Variants in HCN1 observed in about 807,000 individuals in gnomAD.
HCN1 encodes potassium/sodium hyperpolarization-activated cyclic nucleotide-gated channel 1.
A neutral mutation model predicts 78.9 loss-of-function variants in HCN1; 13 were observed. That is an observed-to-expected ratio of 0.16 (90% CI 0.11 to 0.26). The LOEUF (loss-of-function observed/expected upper bound fraction) is 0.26. Among genes scored for constraint, HCN1 ranks in the 10% least tolerant of loss-of-function variants. The pLI, the probability that HCN1 is intolerant of heterozygous loss-of-function variation, is 1.00. For missense variants in HCN1, 810 were observed against 1,154.3 expected (o/e 0.70, Z 4.32); for synonymous variants, 552 against 455.5 (o/e 1.21, Z -2.70).
intron 3 of HCN1, among the ~76,000 whole-genome samples, chr5:45,398,263 A>C (rs1739722473): frequency 6.6e-6 from 1 of 152,124 alleles, no homozygotes; most frequent in South Asian, 2.1e-4. Context: ...AGGTAATTAC[A>C]GATTTACATG....
intron 4 of HCN1, among the ~76,000 whole-genome samples, chr5:45,393,934 T>C (rs1739635395): frequency 6.6e-6 from 1 of 152,124 alleles, no homozygotes; most frequent in East Asian, 1.9e-4. Context: ...ATCAATTCTA[T>C]ATAGAGATCA....
chr5:45,494,556 T>C (rs1421172958), intron 2 of HCN1, among the ~76,000 whole-genome samples: 2 of 152,022 alleles, frequency 1.3e-5, no homozygotes, highest in Non-Finnish European at 2.9e-5. Flanking sequence ...GGGTTGCCTG[T>C]TCACTCTGAT....
At chr5:45,416,123 T>C (rs1287928545) in intron 3 of HCN1, among the ~76,000 whole-genome samples, 1 of 152,028 alleles carries the variant, frequency 6.6e-6, no homozygotes, top group Non-Finnish European at 1.5e-5. Flanking sequence ...GTATAGCAGA[T>C]ATCATAAACA....
intron 2 of HCN1, among the ~76,000 whole-genome samples, chr5:45,471,847 T>C (rs1185922778): frequency 6.6e-6 from 1 of 151,998 alleles, no homozygotes; most frequent in Non-Finnish European, 1.5e-5. Flanking sequence ...ACTGAGTTAA[T>C]TAATAAATTG....
At position 45,267,130 on chromosome 5, in the gene HCN1, C is replaced by G. The variant is rs1248907862; in HGVS notation, c.1742G>C (p.Arg581Thr). 3 of 1,613,954 alleles carry G rather than the reference C, an allele frequency of 1.9e-6. No individual in the cohort carries two copies. Among genetic ancestry groups the G allele is most frequent in the Admixed American group, 1.7e-5 (1 of 60,010 alleles). The change falls in exon 7 of 8, where the codon AGA becomes ACA. Residue 581 changes from arginine to threonine, a missense_variant. Around this residue, in one of 6 missense-constraint regions of HCN1, gnomAD observed 36 missense variants for 58.5 expected, o/e 0.62. Coordinates refer to ENST00000303230, the MANE Select transcript of HCN1 (RefSeq NM_021072.4). ...GTCAATGGCAACTGTCTCAAAGGCT[C>G]TCCTCATCATTGGATATTCCTCCAG... ...EVLEEYPMMRRAFETVAIDRL... is the reference protein window; with the variant it reads ...EVLEEYPMMRTAFETVAIDRL...
At chr5:45,501,935 T>C (rs1742197979) in intron 2 of HCN1, among the ~76,000 whole-genome samples, 1 of 152,152 alleles carries the variant, frequency 6.6e-6, no homozygotes, top group Admixed American at 6.5e-5. Context: ...GTGGGGTGCA[T>C]GTAATTTAGT....
At chr5:45,637,751 T>G (rs1435517213) in intron 2 of HCN1, among the ~76,000 whole-genome samples, 1 of 152,124 alleles carries the variant, frequency 6.6e-6, no homozygotes, top group Non-Finnish European at 1.5e-5. Context: ...AATGTGGTAT[T>G]TGGCAAACTA....
chr5:45,453,474 C>T (rs976584891), intron 3 of HCN1, among the ~76,000 whole-genome samples: 6 of 152,072 alleles, frequency 3.9e-5, no homozygotes, highest in African/African-American at 1.4e-4. Flanking sequence ...ACATACAAAA[C>T]ACAATGACTT....
intron 2 of HCN1, among the ~76,000 whole-genome samples, chr5:45,464,931 T>C (rs530128573): frequency 6.6e-6 from 1 of 152,268 alleles, no homozygotes; most frequent in African/African-American, 2.4e-5. Context: ...AGCCACAACT[T>C]ATTATTAATA....
intron 2 of HCN1, among the ~76,000 whole-genome samples, chr5:45,638,361 C>A (rs1307581721): frequency 6.6e-6 from 1 of 151,974 alleles, no homozygotes; most frequent in South Asian, 2.1e-4. Context: ...GAAAAACCTG[C>A]AAAACAAGAA....
chr5:45,357,556 A>C (rs1229466681), intron 4 of HCN1, among the ~76,000 whole-genome samples: 2 of 152,066 alleles, frequency 1.3e-5, no homozygotes, highest in Non-Finnish European at 2.9e-5. Context: ...TTTAGTTTAA[A>C]AATATACTAA....
chr5:45,580,029 C>T (rs983935038), intron 2 of HCN1, among the ~76,000 whole-genome samples: 2 of 152,034 alleles, frequency 1.3e-5, no homozygotes, highest in African/African-American at 2.4e-5. Flanking sequence ...ATACTGGAGT[C>T]GCCTATTCAA....
At chr5:45,463,759 T>A (rs1741212631) in intron 2 of HCN1, among the ~76,000 whole-genome samples, 1 of 152,056 alleles carries the variant, frequency 6.6e-6, no homozygotes, top group East Asian at 1.9e-4. Context: ...TGAACTTAGT[T>A]TTTTTGTTGT....
chr5:45,525,530 A>G (rs1362565280), intron 2 of HCN1, among the ~76,000 whole-genome samples: 1 of 151,816 alleles, frequency 6.6e-6, no homozygotes, highest in Non-Finnish European at 1.5e-5. Context: ...TACAAATCCA[A>G]TTGCTTCTTT....
chr5:45,667,827 T>TA (rs927268478), intron 1 of HCN1, among the ~76,000 whole-genome samples: 9 of 152,074 alleles, frequency 5.9e-5, no homozygotes, highest in African/African-American at 1.9e-4. Flanking sequence ...TCCCAGTTGC[T>TA]AAAAAAACAA....
At chr5:45,316,771 C>T (rs1266569494) in intron 5 of HCN1, among the ~76,000 whole-genome samples, 1 of 152,066 alleles carries the variant, frequency 6.6e-6, no homozygotes, top group Non-Finnish European at 1.5e-5. Flanking sequence ...ACACCAATAA[C>T]AGACAAACAG....
chr5:45,443,801 T>C (rs1261851513), intron 3 of HCN1, among the ~76,000 whole-genome samples: 1 of 151,970 alleles, frequency 6.6e-6, no homozygotes, highest in African/African-American at 2.4e-5. Context: ...TAGAAGGCTA[T>C]TTTGTTACAA....
intron 6 of HCN1, among the ~76,000 whole-genome samples, chr5:45,286,521 T>G (rs769674932): frequency 7.9e-5 from 12 of 152,016 alleles, no homozygotes; most frequent in Non-Finnish European, 1.8e-4. Context: ...CAATTAAGAT[T>G]TTAAAGGCTA....
intron 5 of HCN1, among the ~76,000 whole-genome samples, chr5:45,336,701 T>A (rs901879340): frequency 1.2e-4 from 18 of 151,914 alleles, no homozygotes; most frequent in Non-Finnish European, 1.8e-4. Context: ...TAAAAAAAAA[T>A]TATTTCTCAC....
Sources: gnomAD v4.1 joint callset for allele counts (sites outside exome capture counted in the v4.1 genomes callset) on GRCh38, gnomAD v4.1.1 for gene constraint, gnomAD v4.1.1 regional missense constraint, MANE v1.5 for transcripts, NCBI Gene and HGNC (gene_info 2026-07-23, HGNC 2026-07-21) for gene names.